The following IGF2BP2 variants were observed in gnomAD, a reference collection of about 807,000 sequenced individuals.
IGF2BP2 encodes the protein insulin-like growth factor 2 mRNA-binding protein 2.
A neutral mutation model predicts 75.8 loss-of-function variants in IGF2BP2; 17 were observed. That is an observed-to-expected ratio of 0.22 (90% CI 0.15 to 0.34). The LOEUF (loss-of-function observed/expected upper bound fraction) is 0.34. Ranked by LOEUF, IGF2BP2 falls within the 10% of genes least tolerant of loss-of-function variation. The pLI is 1.00. For missense variants in IGF2BP2, 516 were observed against 772.4 expected, an observed-to-expected ratio of 0.67 and a Z score of 3.93; for synonymous variants, 288 against 295.6, an observed-to-expected ratio of 0.97 and a Z score of 0.26.
chr3:185,714,718 C>T (rs1373595656), intron 2 of IGF2BP2, among the ~76,000 whole-genome samples: 3 of 152,106 alleles, frequency 2.0e-5, no homozygotes, highest in Admixed American at 6.5e-5. Context: ...GAGGCCAAGT[C>T]GAGAGGATTG....
chr3:185,698,258 G>A, intron 3 of IGF2BP2, 41 bp downstream of exon 3: 1 of 1,551,770 alleles, frequency 6.4e-7, no homozygotes, highest in Non-Finnish European at 8.9e-7. Context: ...AAAGAAGGGA[G>A]AAATGTCTCA....
At chr3:185,665,921 T>G (rs1255477532) in intron 10 of IGF2BP2, among the ~76,000 whole-genome samples, 1 of 152,052 alleles carries the variant, frequency 6.6e-6, no homozygotes, top group Non-Finnish European at 1.5e-5. Context: ...GAGCCAAAAT[T>G]GCACCAGTGC....
At chr3:185,700,765 A>T (rs1404938284) in intron 2 of IGF2BP2, among the ~76,000 whole-genome samples, 1 of 152,234 alleles carries the variant, frequency 6.6e-6, no homozygotes, top group Non-Finnish European at 1.5e-5. Flanking sequence ...AAAGACAGCA[A>T]CTGTAACATT....
intron 13 of IGF2BP2, among the ~76,000 whole-genome samples, chr3:185,651,243 C>T (rs1577805863): frequency 6.6e-6 from 1 of 152,300 alleles, no homozygotes; most frequent in East Asian, 1.9e-4. Flanking sequence ...ACTTCTTTTA[C>T]TTCGTGTGAT....
rs1186870722 is a variant in IGF2BP2, at chr3:185,703,242, ATATAAATGCCTCAGCATACATT to A, written c.240-4917_240-4896del. Among the ~76,000 whole-genome samples the A allele has an allele frequency of 2.6e-5, 4 of 152,368 alleles. No homozygotes were observed. The East Asian group carries it at 7.7e-4, about 29-fold the overall frequency. On this transcript the variant is annotated intron_variant, in intron 2 of 15. Coordinates refer to ENST00000382199, the MANE Select transcript of IGF2BP2 (RefSeq NM_006548.6). ...TTGACGGGTTCCAAGGACTTTCAAC[ATATAAATGCCTCAGCATACATT>A]TTATAATCTGTTATATTTATAATAC...
At chr3:185,794,604 C>G (rs1737096038) in intron 2 of IGF2BP2, among the ~76,000 whole-genome samples, 1 of 151,482 alleles carries the variant, frequency 6.6e-6, no homozygotes, top group East Asian at 1.9e-4. Context: ...CTTTTTAAGC[C>G]TTTCAAAACA....
At chr3:185,783,147 T>A (rs116458643) in intron 2 of IGF2BP2, among the ~76,000 whole-genome samples, 1 of 152,232 alleles carries the variant, frequency 6.6e-6, no homozygotes, top group Non-Finnish European at 1.5e-5. Flanking sequence ...TGATTCACAG[T>A]TGAGACACAC....
chr3:185,768,983 C>T (rs944900789), intron 2 of IGF2BP2, among the ~76,000 whole-genome samples: 6 of 152,144 alleles, frequency 3.9e-5, no homozygotes, highest in Admixed American at 6.5e-5. Context: ...GCTGAGATTA[C>T]GCCACTGCAC....
chr3:185,657,772 C>T (rs953195716), intron 11 of IGF2BP2, among the ~76,000 whole-genome samples: 3 of 152,194 alleles, frequency 2.0e-5, no homozygotes, highest in East Asian at 1.9e-4. Context: ...GGCCTGAAGA[C>T]GGCCCCAAGG....
At chr3:185,807,198 G>A (rs1739139965) in intron 2 of IGF2BP2, among the ~76,000 whole-genome samples, 1 of 152,066 alleles carries the variant, frequency 6.6e-6, no homozygotes, top group Admixed American at 6.6e-5. Context: ...TACAGAAAGG[G>A]AACAATTAAA....
At position 185,820,235 on chromosome 3, in the gene IGF2BP2, T is replaced by TACACACACACACACACACACAC. The variant is rs202064714; in HGVS notation, c.239+2896_239+2917dup. Among the ~76,000 whole-genome samples, 26 of 102,810 alleles carry TACACACACACACACACACACAC rather than the reference T, an allele frequency of 2.5e-4. 1 individual carries two copies. The highest frequency in any genetic ancestry group is 9.6e-4 in the African/African-American group (26 of 27,182). 67.4% of individuals were successfully genotyped at this position (102,810 alleles called of 152,430 possible). A position where few individuals can be genotyped will look rare whatever the true frequency, so the allele number is the denominator to read the frequency against. On this transcript the variant is annotated intron_variant, in intron 2 of 15. Coordinates refer to ENST00000382199, the MANE Select transcript of IGF2BP2 (RefSeq NM_006548.6). ...GTGTGTGTATGTGTATATATACACA[T>TACACACACACACACACACACAC]ACACACACACACACACACACACACA...
chr3:185,685,119 G>A (rs1029004448), intron 7 of IGF2BP2, among the ~76,000 whole-genome samples: 8 of 152,206 alleles, frequency 5.3e-5, no homozygotes, highest in East Asian at 3.9e-4. Flanking sequence ...AGGCCAAGGC[G>A]GGTGGATCAC....
At chr3:185,709,585 C>T (rs1198370705) in intron 2 of IGF2BP2, among the ~76,000 whole-genome samples, 2 of 152,202 alleles carry the variant, frequency 1.3e-5, no homozygotes, top group African/African-American at 2.4e-5. Context: ...CAGTTTACTT[C>T]TGAAAAGAAG....
intron 2 of IGF2BP2, among the ~76,000 whole-genome samples, chr3:185,803,161 G>C (rs1453028995): frequency 1.3e-5 from 2 of 152,174 alleles, no homozygotes; most frequent in African/African-American, 4.8e-5. Context: ...GACCAGCCTA[G>C]CTAACATGGT....
At chr3:185,805,770 CTTTTT>C (rs1254141059) in intron 2 of IGF2BP2, among the ~76,000 whole-genome samples, 2 of 136,542 alleles carry the variant, frequency 1.5e-5, no homozygotes, top group Admixed American at 7.4e-5. Context: ...TGAAGTAAAT[CTTTTT>C]TTTTTTTTTT....
intron 2 of IGF2BP2, among the ~76,000 whole-genome samples, chr3:185,785,230 G>A (rs1391143994): frequency 1.3e-5 from 2 of 150,686 alleles, no homozygotes; most frequent in African/African-American, 4.9e-5. Flanking sequence ...GAACCTGGGA[G>A]ATGGAGACTG....
At chr3:185,646,329 C>CAA (rs1355337601) in intron 15 of IGF2BP2, among the ~76,000 whole-genome samples, 1 of 152,214 alleles carries the variant, frequency 6.6e-6, no homozygotes, top group Non-Finnish European at 1.5e-5. Context: ...CCTGGACCAT[C>CAA]AGGTCTCAGC....
intron 2 of IGF2BP2, among the ~76,000 whole-genome samples, chr3:185,737,806 A>T (rs1438628343): frequency 2.6e-5 from 4 of 152,228 alleles, no homozygotes; most frequent in African/African-American, 9.7e-5. Context: ...CCCAGTTCTT[A>T]GACACTCAGT....
At chr3:185,712,232 T>C (rs930102981) in intron 2 of IGF2BP2, among the ~76,000 whole-genome samples, 6 of 152,218 alleles carry the variant, frequency 3.9e-5, no homozygotes, top group African/African-American at 1.4e-4. Context: ...TTACTAAGAA[T>C]ACCTTTTTTC....
Sources: allele counts gnomAD v4.1 joint callset (sites outside exome capture counted in the v4.1 genomes callset), GRCh38; gene constraint gnomAD v4.1.1; transcripts MANE v1.5; gene names NCBI Gene and HGNC (gene_info 2026-07-23, HGNC 2026-07-21).